The following MMP24 variants were observed in gnomAD, a reference collection of about 807,000 sequenced individuals.
MMP24 encodes matrix metalloproteinase-24.
In MMP24, 25 loss-of-function variants were observed where a neutral mutation model predicts 62.8. The ratio of observed to expected loss-of-function variants is 0.40; its 90% confidence interval spans 0.29 to 0.56. The LOEUF is 0.56. Among genes scored for constraint, MMP24 ranks in the 20% least tolerant of loss-of-function variants. MMP24 has a pLI of 0.50. For synonymous variants in MMP24, 319 were observed against 350.5 expected (o/e 0.91, Z 1.00); for missense variants, 634 against 853.6 (o/e 0.74, Z 3.21).
chr20:35,228,117 T>C (rs894291097), intron 1 of MMP24, among the ~76,000 whole-genome samples: 16 of 152,186 alleles, frequency 1.1e-4, no homozygotes, highest in Non-Finnish European at 1.6e-4. Context: ...GCAGTCTGTT[T>C]GTTTAGAAGA....
At chr20:35,257,999 G>A (rs892737046) in intron 4 of MMP24, among the ~76,000 whole-genome samples, 3 of 152,142 alleles carry the variant, frequency 2.0e-5, no homozygotes, top group African/African-American at 7.2e-5. Context: ...AAGGGGTGGA[G>A]TTTCCTGGGA....
chr20:35,275,228 T>A lies in MMP24; in HGVS notation c.*619T>A, dbSNP rs892321671. On this transcript the variant is annotated 3_prime_UTR_variant, in exon 9 of 9. Transcript: ENST00000246186. ...CGGAGACCCAGGATTTAGGGTCACATGCTGCAGGCAGGGCTGTGGCCCAGC... is the reference window on the plus strand; with the variant it reads ...CGGAGACCCAGGATTTAGGGTCACAAGCTGCAGGCAGGGCTGTGGCCCAGC... 1.9e-5 allele frequency: 3 copies of A among 154,796 alleles called. No homozygotes were observed. Among genetic ancestry groups the A allele is most frequent in the Non-Finnish European group, 4.3e-5 (3 of 69,698 alleles). 9.6% of individuals were successfully genotyped at this position (154,796 alleles called of 1,614,324 possible). A position where few individuals can be genotyped will look rare whatever the true frequency, so the allele number is the denominator to read the frequency against.
rs561407846 is a variant in MMP24 at position 35,268,362 on chromosome 20, A to T, written c.1194+943A>T. Among the ~76,000 whole-genome samples the T allele has an allele frequency of 3.9e-5, 6 of 152,302 alleles. No homozygotes were observed. The South Asian group carries it at 1.2e-3, about 32-fold the overall frequency. ...AAGGGGATCTGGGCAGGGTGGCTCC[A>T]TCACACAGGATGGTGAAAGAGGCTG... On this transcript the variant is annotated intron_variant, in intron 6 of 8. Transcript: ENST00000246186.
rs1202934361 is a variant in MMP24, at chr20:35,274,782, T to C, written c.*173T>C. 1.7e-5 allele frequency: 11 copies of C among 638,644 alleles called. No homozygotes were observed. The East Asian group carries it at 2.8e-4, about 16-fold the overall frequency. 39.6% of individuals were successfully genotyped at this position (638,644 alleles called of 1,614,324 possible). A position where few individuals can be genotyped will look rare whatever the true frequency, so the allele number is the denominator to read the frequency against. ...AGGCTGAGCGTGGGGCAGGGAATTATGGGGGCTGTGCCCCAGGGTGGGTGT... is the reference window on the plus strand; with the variant it reads ...AGGCTGAGCGTGGGGCAGGGAATTACGGGGGCTGTGCCCCAGGGTGGGTGT... On this transcript the variant is annotated 3_prime_UTR_variant, in exon 9 of 9. Coordinates refer to ENST00000246186, the MANE Select transcript of MMP24 (RefSeq NM_006690.4). This position sits in a 1 kb window ranked among gnomAD's most constrained non-coding sequence, Gnocchi z 5.1.
chr20:35,269,037 A>G lies in MMP24; in HGVS notation c.1195-723A>G, dbSNP rs532483872. 3.9e-5 allele frequency among the ~76,000 whole-genome samples: 6 copies of G among 151,908 alleles called. No individual in the cohort carries two copies. The East Asian group carries it at 9.7e-4, about 24-fold the overall frequency. On this transcript the variant is annotated intron_variant, in intron 6 of 8. Transcript: ENST00000246186. This position sits in a 1 kb window ranked among gnomAD's most constrained non-coding sequence, Gnocchi z 4.6. ...GCGAGACTCCATCTAAAAAAAAAAA[A>G]AAAGAAAGAAAACTGAGGCCTGGAG...
In MMP24 at chr20:35,246,904, C is replaced by T. The variant is rs758980638; in HGVS notation, c.311C>T (p.Ala104Val). ...YDSRASALHS[A>V]KALQSAVSTM... is the part of the protein sequence containing the mutation. The stretch of plus-strand genomic sequence containing the variant: ...TCACGGGCATCTGCGCTGCACTCAG[C>T]GAAGGCCTTGCAGTCGGCAGTCTCC... The change falls in exon 2 of 9, where the codon GCG (alanine) becomes GTG (valine). Residue 104 changes from alanine (A) to valine (V), a missense_variant. Ala to Val is a moderately conservative substitution (Grantham distance 64, BLOSUM62 0). Transcript: ENST00000246186. 12 of 1,613,928 alleles carry T rather than the reference C, an allele frequency of 7.4e-6. No homozygotes were observed. The highest frequency in any genetic ancestry group is 6.6e-5 in the South Asian group (6 of 91,096).
intron 1 of MMP24, among the ~76,000 whole-genome samples, chr20:35,244,474 C>T (rs2060503658): frequency 6.6e-6 from 1 of 152,040 alleles, no homozygotes; most frequent in Non-Finnish European, 1.5e-5. Flanking sequence ...GAGTTTTGCT[C>T]TTGTTGCCCC....
chr20:35,256,646 G>T (rs532531885), intron 4 of MMP24, among the ~76,000 whole-genome samples: 3 of 150,124 alleles, frequency 2.0e-5, no homozygotes, highest in Admixed American at 6.7e-5. Context: ...TTGAACCCGG[G>T]AGGCGGAGGT....
intron 8 of MMP24, among the ~76,000 whole-genome samples, chr20:35,272,479 C>A (rs1438073077): frequency 1.3e-5 from 2 of 152,334 alleles, no homozygotes; most frequent in East Asian, 3.9e-4. Context: ...CTCAAGCAAT[C>A]CTCCCACCTC....
Position 35,254,631 on chromosome 20 carries a change from A to G in MMP24, c.694A>G (p.Ser232Gly). Reference protein sequence around the residue: ...IFFASGFHGDSSPFDGEGGFL... With the variant: ...IFFASGFHGDGSPFDGEGGFL... ...TTTTGCTTCTGGTTTCCATGGCGAC[A>G]GCTCCCCATTTGATGGAGAAGGGGG... The change falls in exon 4 of 9, where the codon AGC (serine) becomes GGC (glycine). Residue 232 changes from serine (S) to glycine (G), a missense_variant. Physicochemically the swap from Ser to Gly is moderately conservative, Grantham distance 56. Coordinates refer to ENST00000246186, the MANE Select transcript of MMP24 (RefSeq NM_006690.4). 6.2e-7 allele frequency: 1 copy of G among 1,614,246 alleles called. No homozygotes were observed. The highest frequency in any genetic ancestry group is 8.5e-7 in the Non-Finnish European group (1 of 1,180,046).
chr20:35,270,856 A>G (rs2060665166), intron 7 of MMP24, among the ~76,000 whole-genome samples: 1 of 152,236 alleles, frequency 6.6e-6, no homozygotes, highest in Admixed American at 6.5e-5. Context: ...CCTGACCAAC[A>G]TGGTGAAACC....
intron 1 of MMP24, among the ~76,000 whole-genome samples, chr20:35,238,042 ATATCT>A (rs1206198332): frequency 1.7e-4 from 26 of 152,206 alleles, no homozygotes; most frequent in African/African-American, 6.0e-4. Flanking sequence ...TGATACAATA[ATATCT>A]TAGTGTTGGG....
chr20:35,251,456 G>A (rs1471043602), intron 2 of MMP24, among the ~76,000 whole-genome samples: 2 of 152,130 alleles, frequency 1.3e-5, no homozygotes, highest in Non-Finnish European at 2.9e-5. Flanking sequence ...CAGTGTTTGG[G>A]GAAGTCGCTG....
chr20:35,250,522 C>T (rs1314723680), intron 2 of MMP24, among the ~76,000 whole-genome samples: 8 of 150,254 alleles, frequency 5.3e-5, no homozygotes. Flanking sequence ...GAGATGGCAC[C>T]ACTACACTCC....
rs905935830 is a variant in MMP24 at position 35,271,756 on chromosome 20, C to T, written c.1521C>T (p.Asp507=). 2 of 1,597,696 alleles carry T rather than the reference C, an allele frequency of 1.3e-6. No individual in the cohort carries two copies. The highest frequency in any genetic ancestry group is 1.7e-6 in the Non-Finnish European group (2 of 1,172,704). Residue 507 remains aspartate, a synonymous_variant, in exon 8 of 9, where the codon GAC becomes GAT. Coordinates refer to ENST00000246186, the MANE Select transcript of MMP24 (RefSeq NM_006690.4). The surrounding 1 kb of genome is among the most constrained non-coding windows in gnomAD (Gnocchi z 4.0). The part of the protein sequence containing the change: ...WRYSEERRAT[D]PGYPKPITVW... ...ACAGCGAGGAGCGGCGGGCCACGGACCCTGGCTACCCTAAGCCCATCACCG... is the reference window on the plus strand; with the variant it reads ...ACAGCGAGGAGCGGCGGGCCACGGATCCTGGCTACCCTAAGCCCATCACCG...
intron 4 of MMP24, chr20:35,263,555 A>C: frequency 2.6e-6 from 1 of 377,574 alleles, no homozygotes. Context: ...ACCCTCCCAG[A>C]CATTCTTAAA....
intron 4 of MMP24, among the ~76,000 whole-genome samples, chr20:35,256,650 C>T (rs750014543): frequency 5.3e-5 from 7 of 131,842 alleles, no homozygotes; most frequent in South Asian, 2.6e-4. Context: ...ACCCGGGAGG[C>T]GGAGGTTACA....
rs569729157 is a variant in MMP24 at position 35,275,159 on chromosome 20, C to T, written c.*550C>T. 1.9e-4 allele frequency: 30 copies of T among 157,058 alleles called. No individual in the cohort carries two copies. The highest frequency in any genetic ancestry group is 5.4e-4 in the Admixed American group (9 of 16,816). 9.7% of individuals were successfully genotyped at this position (157,058 alleles called of 1,614,324 possible). ...AAGCCTGGGTTTCCCTGCTGGCAGA[C>T]GGCAGATCCCTCAGGAAACCTGCTC... On this transcript the variant is annotated 3_prime_UTR_variant, in exon 9 of 9. Coordinates refer to ENST00000246186, the MANE Select transcript of MMP24 (RefSeq NM_006690.4).
intron 1 of MMP24, among the ~76,000 whole-genome samples, chr20:35,235,002 G>A (rs1471292915): frequency 2.0e-5 from 3 of 152,222 alleles, no homozygotes; most frequent in Non-Finnish European, 2.9e-5. Flanking sequence ...CTGGCAATGA[G>A]GAACCAGAAG....
Sources: allele counts gnomAD v4.1 joint callset (sites outside exome capture counted in the v4.1 genomes callset), GRCh38; gene constraint gnomAD v4.1.1; non-coding constraint Gnocchi (gnomAD v3.1); transcripts MANE v1.5; gene names NCBI Gene and HGNC (gene_info 2026-07-23, HGNC 2026-07-21).